The following TSHZ3 variants were observed in gnomAD, a reference collection of about 807,000 sequenced individuals.
The protein encoded by TSHZ3 is teashirt homolog 3.
TSHZ3 carries 10 observed loss-of-function variants against 64.5 expected under a neutral mutation model. The ratio of observed to expected loss-of-function variants is 0.16; its 90% CI spans 0.10 to 0.26. TSHZ3 has a LOEUF of 0.26. Among genes scored for constraint, TSHZ3 ranks in the 10% least tolerant of loss-of-function variants. The pLI, the probability that TSHZ3 is intolerant of heterozygous loss-of-function variation, is 1.00. For synonymous variants in TSHZ3, 608 were observed against 593.1 expected (o/e 1.03, Z -0.36); for missense variants, 1,242 against 1,421.7 (o/e 0.87, Z 2.03).
intron 1 of TSHZ3, among the ~76,000 whole-genome samples, chr19:31,266,445 G>T (rs1158138177): frequency 6.6e-6 from 1 of 152,024 alleles, no homozygotes; most frequent in African/African-American, 2.4e-5. Context: ...TTGAATCAGG[G>T]GCGCCACTCC....
chr19:31,212,336 T>C lies in TSHZ3; in HGVS notation n.687-7258A>G, dbSNP rs150876012. Reference sequence around the variant, plus strand: ...AGCCGGGCGTGGTGGTGCACACCTGTAATTCCAGCTACTCGGGAGGCTGAG... The same window carrying C: ...AGCCGGGCGTGGTGGTGCACACCTGCAATTCCAGCTACTCGGGAGGCTGAG... On this transcript the variant is annotated intron_variant and non_coding_transcript_variant, in intron 4 of 6. Transcript: ENST00000651361. 3.1e-3 allele frequency among the ~76,000 whole-genome samples: 477 copies of C among 152,188 alleles called. 3 individuals are homozygous for C. Among genetic ancestry groups the C allele is most frequent in the African/African-American group, 0.01 (434 of 41,524 alleles).
intron 6 of TSHZ3, among the ~76,000 whole-genome samples, chr19:31,153,289 A>G (rs1008378654): frequency 6.6e-5 from 10 of 152,238 alleles, no homozygotes; most frequent in African/African-American, 2.4e-4. Context: ...TTCCTACTAA[A>G]AAATGTACAT....
At position 31,226,977 on chromosome 19, in the gene TSHZ3, C is replaced by CTTTTTTTTTTTTTTTTTTTTTTTTTTTTT. The variant is rs3030229; in HGVS notation, n.686+1027_686+1028insAAAAAAAAAAAAAAAAAAAAAAAAAAAAA. On this transcript the variant is annotated intron_variant and non_coding_transcript_variant, in intron 4 of 6. Transcript: ENST00000651361. ...TTTTCTTCTCTTTCTTTCTTTCTTT[C>CTTTTTTTTTTTTTTTTTTTTTTTTTTTTT]TTTTTTTTTTTTTTTTTTTGAGATG... is the stretch of plus-strand genomic sequence containing the variant. Among the ~76,000 whole-genome samples, 82 of 65,676 alleles carry CTTTTTTTTTTTTTTTTTTTTTTTTTTTTT rather than the reference C, an allele frequency of 1.2e-3. 1 individual carries two copies. The highest frequency in any genetic ancestry group is 2.2e-3 in the East Asian group (5 of 2,310). 43.1% of individuals were successfully genotyped at this position (65,676 alleles called of 152,430 possible).
chr19:31,189,814 C>G (rs570797085), intron 5 of TSHZ3, among the ~76,000 whole-genome samples: 1 of 152,060 alleles, frequency 6.6e-6, no homozygotes, highest in Non-Finnish European at 1.5e-5. Context: ...ATTGGAATCT[C>G]CAGCCATAAC....
At chr19:31,235,097 A>G (rs567595504) in intron 3 of TSHZ3, among the ~76,000 whole-genome samples, 12 of 152,314 alleles carry the variant, frequency 7.9e-5, no homozygotes, top group South Asian at 6.2e-4. Flanking sequence ...AAAGTATACA[A>G]TGTGATGTTT....
intron 1 of TSHZ3, among the ~76,000 whole-genome samples, chr19:31,246,975 G>T (rs772915911): frequency 8.5e-5 from 13 of 152,116 alleles, no homozygotes; most frequent in Non-Finnish European, 1.6e-4. Context: ...AATAATGATT[G>T]AAAATCATGA....
At chr19:31,274,013 G>A (rs1976183341), downstream of TSHZ3, among the ~76,000 whole-genome samples, 1 of 152,186 alleles carries the variant, frequency 6.6e-6, no homozygotes, top group Admixed American at 6.5e-5. Flanking sequence ...AATGCCGAGA[G>A]AAAACAGAGT....
At chr19:31,321,562 G>A (rs1916772432) in intron 1 of TSHZ3, among the ~76,000 whole-genome samples, 2 of 152,132 alleles carry the variant, frequency 1.3e-5, no homozygotes, top group African/African-American at 2.4e-5. Flanking sequence ...ACTCACGCCA[G>A]GTTAACGCAA....
At chr19:31,183,359 G>A (rs1260036847) in intron 5 of TSHZ3, among the ~76,000 whole-genome samples, 2 of 152,052 alleles carry the variant, frequency 1.3e-5, no homozygotes, top group Non-Finnish European at 2.9e-5. Context: ...CTCGACACCC[G>A]GCTTAGGTCT....
intron 1 of TSHZ3, among the ~76,000 whole-genome samples, chr19:31,292,918 C>T (rs1976595376): frequency 1.4e-5 from 2 of 147,082 alleles, no homozygotes; most frequent in African/African-American, 4.9e-5. Flanking sequence ...CCCATCCATC[C>T]AACCAAAAAC....
At chr19:31,203,836 CTCCTT>C in intron 5 of TSHZ3, among the ~76,000 whole-genome samples, 1 of 151,856 alleles carries the variant, frequency 6.6e-6, no homozygotes, top group East Asian at 2.0e-4. Context: ...CCTCTCTTCT[CTCCTT>C]CCTTCCTTCT....
chr19:31,268,774 C>T (rs1976092433), intron 1 of TSHZ3, among the ~76,000 whole-genome samples: 1 of 152,178 alleles, frequency 6.6e-6, no homozygotes, highest in Admixed American at 6.5e-5. Flanking sequence ...AAGGAAGGAC[C>T]TCCTGTACAA....
At chr19:31,341,763 C>T (rs779133229) in intron 1 of TSHZ3, among the ~76,000 whole-genome samples, 1 of 152,166 alleles carries the variant, frequency 6.6e-6, no homozygotes, top group Non-Finnish European at 1.5e-5. Context: ...TCCTCACTCA[C>T]TCCTAGGCCA....
At position 31,277,663 on chromosome 19, in the gene TSHZ3, G is replaced by A. The variant is rs773203118; in HGVS notation, c.2130C>T (p.Thr710=). ...CAAAAGGCTGTTCAGGCGGGTGGTC[G>A]GTGATGATGGCCGTGCTGCCACTCA... ...SSLSGSTAII[T]DHPPEQPFVN... is the part of the protein sequence containing the mutation. The change falls in exon 2 of 2, where the codon ACC becomes ACT. Residue 710 remains threonine (T), a synonymous_variant. Coordinates refer to ENST00000240587, the MANE Select transcript of TSHZ3 (RefSeq NM_020856.4). The surrounding 1 kb of genome is among the most constrained non-coding windows in gnomAD (Gnocchi z 4.5). 16 of 1,532,032 alleles carry A rather than the reference G, an allele frequency of 1.0e-5. No individual in the cohort carries two copies. The highest frequency in any genetic ancestry group is 4.2e-5 in the Admixed American group (2 of 47,496). 94.9% of individuals were successfully genotyped at this position (1,532,032 alleles called of 1,614,324 possible).
At chr19:31,264,994 G>A (rs1976030552) in intron 1 of TSHZ3, among the ~76,000 whole-genome samples, 1 of 152,086 alleles carries the variant, frequency 6.6e-6, no homozygotes, top group East Asian at 1.9e-4. Context: ...TGGAGAGAGT[G>A]GCCAGGAGGT....
intron 1 of TSHZ3, among the ~76,000 whole-genome samples, chr19:31,258,957 C>G (rs761793074): frequency 5.9e-5 from 9 of 152,220 alleles, no homozygotes; most frequent in Non-Finnish European, 1.3e-4. Flanking sequence ...CATGCCCCGG[C>G]CCGCCTTCTC....
At chr19:31,280,320 A>G (rs929697250) in intron 1 of TSHZ3, among the ~76,000 whole-genome samples, 1 of 152,142 alleles carries the variant, frequency 6.6e-6, no homozygotes, top group Non-Finnish European at 1.5e-5. Flanking sequence ...TAATAAGGGA[A>G]AAACAAGATT....
intron 1 of TSHZ3, among the ~76,000 whole-genome samples, chr19:31,340,031 C>G (rs1017589974): frequency 4.6e-5 from 7 of 151,844 alleles, no homozygotes; most frequent in South Asian, 2.1e-4. Context: ...GTAATCGTCC[C>G]GCAGCTTGAC....
intron 1 of TSHZ3, among the ~76,000 whole-genome samples, chr19:31,330,528 G>T (rs1386436669): frequency 6.6e-6 from 1 of 152,124 alleles, no homozygotes; most frequent in Admixed American, 6.5e-5. Flanking sequence ...GGTCAGCATC[G>T]CCCCAATGTC....
Sources: gnomAD v4.1 joint callset for allele counts (sites outside exome capture counted in the v4.1 genomes callset) on GRCh38, gnomAD v4.1.1 for gene constraint, Gnocchi (gnomAD v3.1) non-coding constraint, MANE v1.5 for transcripts, NCBI Gene and HGNC (gene_info 2026-07-23, HGNC 2026-07-21) for gene names.